Variants in CEMIP observed in about 807,000 individuals in gnomAD.
CEMIP encodes cell migration-inducing and hyaluronan-binding protein.
A neutral mutation model predicts 156.9 loss-of-function variants in CEMIP; 105 were observed. The observed-to-expected ratio is 0.67, with a 90% confidence interval of 0.57 to 0.79. The LOEUF (loss-of-function observed/expected upper bound fraction) is 0.79, where lower values mean the gene tolerates loss of function less well. Ranked by LOEUF, CEMIP falls within the 30% of genes least tolerant of loss-of-function variation. The pLI is 0.00. For missense variants in CEMIP, 1,457 were observed against 1,769.4 expected, an observed-to-expected ratio of 0.82 and a Z score of 3.17; for synonymous variants, 676 against 668.4, an observed-to-expected ratio of 1.01 and a Z score of -0.17.
At chr15:80,941,558 G>A in intron 25 of CEMIP, among the ~76,000 whole-genome samples, 1 of 152,124 alleles carries the variant, frequency 6.6e-6, no homozygotes, top group East Asian at 1.9e-4. Flanking sequence ...AGTACCTACT[G>A]GACAGGATTG....
chr15:80,815,594 T>C (rs1017699663), intron 1 of CEMIP, among the ~76,000 whole-genome samples: 2 of 152,126 alleles, frequency 1.3e-5, no homozygotes, highest in African/African-American at 2.4e-5. Context: ...CTTCCTTTCC[T>C]CCTTCCTTCC....
intron 1 of CEMIP, among the ~76,000 whole-genome samples, chr15:80,835,088 AG>A (rs1897242062): frequency 5.5e-5 from 5 of 90,764 alleles, no homozygotes; most frequent in South Asian, 9.6e-4. Context: ...TTGCAGAGAG[AG>A]AGAGAGAGAG....
At chr15:80,825,877 C>T (rs763787229) in intron 1 of CEMIP, among the ~76,000 whole-genome samples, 1 of 152,222 alleles carries the variant, frequency 6.6e-6, no homozygotes, top group Non-Finnish European at 1.5e-5. Flanking sequence ...TCACAGACTG[C>T]CCGAGGGCAC....
chr15:80,900,386 G>C (rs184662437), intron 12 of CEMIP, among the ~76,000 whole-genome samples: 1 of 152,082 alleles, frequency 6.6e-6, no homozygotes, highest in African/African-American at 2.4e-5. Flanking sequence ...AAGATCCTGC[G>C]CCCACCTCAA....
chr15:80,931,828 A>C (rs748099925), intron 21 of CEMIP, 31 bp from the exon 22 acceptor site: 1 of 1,604,310 alleles, frequency 6.2e-7, no homozygotes, highest in South Asian at 1.1e-5. Flanking sequence ...GAAAACATTT[A>C]GACTGACATC....
chr15:80,867,164 C>T (rs543613752), intron 1 of CEMIP, among the ~76,000 whole-genome samples: 43 of 152,330 alleles, frequency 2.8e-4, no homozygotes, highest in Non-Finnish European at 3.4e-4. Flanking sequence ...ACAGCCTCCC[C>T]TGGGAGCTTG....
At chr15:80,864,529 G>A (rs1173170542) in intron 1 of CEMIP, among the ~76,000 whole-genome samples, 1 of 152,214 alleles carries the variant, frequency 6.6e-6, no homozygotes, top group Non-Finnish European at 1.5e-5. Flanking sequence ...GGGCCGGCCC[G>A]TGTACCACAC....
Position 80,942,051 on chromosome 15 carries a change from C to G in CEMIP, c.3610C>G (p.Leu1204Val). Residue 1204 changes from leucine to valine, a missense_variant and splice_region_variant, in exon 26 of 30, where the codon CTG becomes GTG. Physicochemically the swap from Leu to Val is conservative, Grantham distance 32. This residue lies in a region of CEMIP where 798 missense variants were observed against 980.1 expected (regional missense o/e 0.81). Transcript: ENST00000394685. ...GCCCAAGAAGCTCTTTGGTTCTCAG[C>G]TGGTGAGTGGCTGAGAGCAAAGCCT... is the stretch of plus-strand genomic sequence containing the variant. ...PMPKKLFGSQLKTKDHFLEVK... is the reference protein window; with the variant it reads ...PMPKKLFGSQVKTKDHFLEVK... 1 of 1,613,192 alleles carries G rather than the reference C, an allele frequency of 6.2e-7. No individual in the cohort carries two copies. Among genetic ancestry groups the G allele is most frequent in the Non-Finnish European group, 8.5e-7 (1 of 1,179,522 alleles).
chr15:80,927,133 G>T (rs1458360549), intron 19 of CEMIP, among the ~76,000 whole-genome samples: 1 of 152,160 alleles, frequency 6.6e-6, no homozygotes, highest in Non-Finnish European at 1.5e-5. Context: ...CCAGCCGCAG[G>T]GCCTTCATTT....
chr15:80,888,840 GA>G (rs1463819097), intron 9 of CEMIP, 44 bp downstream of exon 9: 1 of 1,443,738 alleles, frequency 6.9e-7, no homozygotes. Flanking sequence ...CAGTGGGATA[GA>G]AGACCAGAAA....
intron 1 of CEMIP, among the ~76,000 whole-genome samples, chr15:80,808,130 G>A (rs28610465): frequency 0.045 from 6,924 of 152,248 alleles, 571 homozygotes; most frequent in African/African-American, 0.16. Context: ...ACTAGGCTAG[G>A]TATTTTTCTC....
Position 80,806,978 on chromosome 15 carries a change from C to G in CEMIP, c.-176+27364C>G, listed in dbSNP as rs1283466639. On this transcript the variant is annotated intron_variant, in intron 1 of 29. Transcript: ENST00000394685. ...TCTGCTGCGTTTAAGATAGAAGAGC[C>G]TCAGCTTACAACACAAAGCAACACA... Among the ~76,000 whole-genome samples, 5 of 152,168 alleles carry G rather than the reference C, an allele frequency of 3.3e-5. No individual in the cohort carries two copies. In the South Asian group the frequency reaches 1.0e-3, roughly 32 times the overall value.
chr15:80,874,038 A>G, intron 3 of CEMIP, 65 bp downstream of exon 3: 1 of 1,457,824 alleles, frequency 6.9e-7, no homozygotes, highest in East Asian at 2.5e-5. Context: ...TCACTGGAGC[A>G]AGGCTGCTTT....
chr15:80,800,516 TG>T (rs2141600839), intron 1 of CEMIP, among the ~76,000 whole-genome samples: 1 of 152,320 alleles, frequency 6.6e-6, no homozygotes, highest in African/African-American at 2.4e-5. Context: ...TTTAAACTGT[TG>T]GTATTTCTCT....
At position 80,949,187 on chromosome 15, in the gene CEMIP, C is replaced by T. The variant is rs1194349900; in HGVS notation, c.*263C>T. On this transcript the variant is annotated 3_prime_UTR_variant, in exon 30 of 30. Transcript: ENST00000394685. ...TTCCTGCAGCCTCTTGGGTGCTTCTCTCCTATCTGTGCCTCTTCAGTGGGG... is the reference window on the plus strand; with the variant it reads ...TTCCTGCAGCCTCTTGGGTGCTTCTTTCCTATCTGTGCCTCTTCAGTGGGG... The T allele has an allele frequency of 2.1e-4, 107 of 514,852 alleles. No homozygotes were observed. The East Asian group carries it at 3.9e-3, about 19-fold the overall frequency. 31.9% of individuals were successfully genotyped at this position (514,852 alleles called of 1,614,324 possible).
rs1309632963 is a variant in CEMIP, at chr15:80,951,537, G to GTGTT, written c.*2617_*2620dup. 2 of 152,602 alleles carry GTGTT rather than the reference G, an allele frequency of 1.3e-5. No individual in the cohort carries two copies. The highest frequency in any genetic ancestry group is 2.9e-5 in the Non-Finnish European group (2 of 68,030). The allele number at this position is 152,602 out of a possible 1,614,324, so 9.5% of individuals were successfully genotyped here. On this transcript the variant is annotated 3_prime_UTR_variant, in exon 30 of 30. Coordinates refer to ENST00000394685, the MANE Select transcript of CEMIP (RefSeq NM_001293298.2). Reference sequence around the variant, plus strand: ...CTTTTTCGGGAGTTAGATGTATAGAGTGTTTGTATGTAAACATTTCTTGTA... The same window carrying GTGTT: ...CTTTTTCGGGAGTTAGATGTATAGAGTGTTTGTTTGTATGTAAACATTTCTTGTA...
intron 1 of CEMIP, among the ~76,000 whole-genome samples, chr15:80,828,244 G>T (rs1046401293): frequency 1.2e-4 from 18 of 152,114 alleles, no homozygotes; most frequent in Non-Finnish European, 1.8e-4. Context: ...GCCCGGTGTG[G>T]TGGTGGATGC....
chr15:80,790,994 A>T (rs1272520953), intron 1 of CEMIP, among the ~76,000 whole-genome samples: 4 of 152,184 alleles, frequency 2.6e-5, no homozygotes, highest in Non-Finnish European at 5.9e-5. Context: ...GAAAGAGACA[A>T]GGTAACATGG....
At chr15:80,788,471 C>CAAAAAAAAA (rs11320710) in intron 1 of CEMIP, among the ~76,000 whole-genome samples, 1 of 79,308 alleles carries the variant, frequency 1.3e-5, no homozygotes. Context: ...AACTCCATCT[C>CAAAAAAAAA]AAAAAAAAAA....
Sources: allele counts gnomAD v4.1 joint callset (sites outside exome capture counted in the v4.1 genomes callset), GRCh38; gene constraint gnomAD v4.1.1; regional missense constraint gnomAD v4.1.1; transcripts MANE v1.5; gene names NCBI Gene and HGNC (gene_info 2026-07-23, HGNC 2026-07-21).